The following RGPD2 variants were observed in gnomAD, a reference collection of about 807,000 sequenced individuals.
RGPD2 encodes RANBP2-like and GRIP domain-containing protein 2.
RGPD2 carries 2 observed loss-of-function variants against 36.0 expected under a neutral mutation model. The ratio of observed to expected loss-of-function variants is 0.06; its 90% confidence interval spans 0.02 to 0.17. The LOEUF (loss-of-function observed/expected upper bound fraction) is 0.17, where lower values mean the gene tolerates loss of function less well. Among genes scored for constraint, RGPD2 ranks in the 10% least tolerant of loss-of-function variants. The pLI is 1.00. For synonymous variants in RGPD2, 19 were observed against 163.8 expected, an observed-to-expected ratio of 0.12 and a Z score of 6.75; for missense variants, 40 against 464.3, an observed-to-expected ratio of 0.09 and a Z score of 8.40.
the RGPD2 span, among the ~76,000 whole-genome samples, chr2:87,853,746 T>C: frequency 6.6e-6 from 1 of 151,788 alleles, no homozygotes; most frequent in African/African-American, 2.4e-5. Flanking sequence ...CCTTGAATTG[T>C]ATGTATTTCT....
chr2:87,877,422 G>T, the RGPD2 span, among the ~76,000 whole-genome samples: 6 of 152,388 alleles, frequency 3.9e-5, no homozygotes, highest in East Asian at 1.2e-3. Flanking sequence ...CACAGCATTT[G>T]CTTGTCTGAA....
At chr2:87,866,135 C>T in the RGPD2 span, among the ~76,000 whole-genome samples, 26,514 of 129,112 alleles carry the variant, frequency 0.21, no homozygotes, top group African/African-American at 0.34. Flanking sequence ...CAAGGATACT[C>T]GTATTACATA....
upstream of RGPD2, chr2:87,825,878 A>G: frequency 9.8e-7 from 1 of 1,020,938 alleles, no homozygotes; most frequent in Non-Finnish European, 1.4e-6. Flanking sequence ...AGCACTGTGT[A>G]TCCTTGGCGA....
At chr2:87,962,190 T>G in the RGPD2 span, among the ~76,000 whole-genome samples, 1 of 150,204 alleles carries the variant, frequency 6.7e-6, no homozygotes. Flanking sequence ...AATTTGGATA[T>G]TAAAATCTTA....
At chr2:87,763,404 A>G (rs1684955696) in intron 22 of RGPD2, among the ~76,000 whole-genome samples, 1 of 142,372 alleles carries the variant, frequency 7.0e-6, no homozygotes. Context: ...TGATCCTCCC[A>G]CCTCAGCCTC....
intron 1 of RGPD2, chr2:87,824,997 C>T (rs1372058075): frequency 5.1e-6 from 2 of 391,188 alleles, no homozygotes; most frequent in African/African-American, 4.1e-5. Context: ...ATACTTCTTA[C>T]ACTATTCCTC....
rs1325349308 is a variant in RGPD2 at position 87,807,380 on chromosome 2, G to GTCTTT, written c.780-490_780-489insAAAGA. 3.6e-3 allele frequency among the ~76,000 whole-genome samples: 291 copies of GTCTTT among 81,666 alleles called. 8 individuals carry two copies. The highest frequency in any genetic ancestry group is 0.016 in the African/African-American group (253 of 15,418). 53.6% of individuals were successfully genotyped at this position (81,666 alleles called of 152,430 possible). A position where few individuals can be genotyped will look rare whatever the true frequency, so the allele number is the denominator to read the frequency against. Reference sequence around the variant, plus strand: ...ATATAGATCATTACAGCGTTAAATTGTTTTTTTTTTTTTTTTTTTTTTTTG... The same window carrying GTCTTT: ...ATATAGATCATTACAGCGTTAAATTGTCTTTTTTTTTTTTTTTTTTTTTTTTTTTG... On this transcript the variant is annotated intron_variant, in intron 6 of 22. Coordinates refer to ENST00000398146, the MANE Select transcript of RGPD2 (RefSeq NM_001078170.3).
chr2:87,915,737 C>T, the RGPD2 span, among the ~76,000 whole-genome samples: 5 of 148,510 alleles, frequency 3.4e-5, no homozygotes, highest in Admixed American at 6.7e-5. Flanking sequence ...CTTGTTCTAT[C>T]GAGATCCCCA....
the RGPD2 span, among the ~76,000 whole-genome samples, chr2:87,980,351 CA>C: frequency 0.078 from 264 of 3,390 alleles, 3 homozygotes; most frequent in South Asian, 0.15. Context: ...TACTCCGTCT[CA>C]AAAAAAAAAA....
At chr2:87,954,994 CTTTTTTTTTTTTT>C in the RGPD2 span, among the ~76,000 whole-genome samples, 4 of 19,186 alleles carry the variant, frequency 2.1e-4, no homozygotes, top group Non-Finnish European at 3.0e-4. Flanking sequence ...CTGCTTGAAA[CTTTTTTTTTTTTT>C]TTTTTTTTTT....
the RGPD2 span, among the ~76,000 whole-genome samples, chr2:87,893,297 C>T: frequency 6.6e-6 from 1 of 150,896 alleles, no homozygotes; most frequent in Non-Finnish European, 1.5e-5. Context: ...CTGTAAAAGA[C>T]CTTTTAATAT....
At chr2:87,988,542 T>TATATATATATAAATATATATATATA in the RGPD2 span, among the ~76,000 whole-genome samples, 1 of 37,576 alleles carries the variant, frequency 2.7e-5, no homozygotes, top group Non-Finnish European at 5.4e-5. Flanking sequence ...TATATATATA[T>TATATATATATAAATATATATATATA]TTTTTTTTTT....
the RGPD2 span, among the ~76,000 whole-genome samples, chr2:87,978,232 C>T: frequency 1.3e-5 from 2 of 152,216 alleles, no homozygotes; most frequent in African/African-American, 2.4e-5. Context: ...GTCAAGAACT[C>T]ACGTCTAGAA....
At chr2:87,909,246 C>T in the RGPD2 span, among the ~76,000 whole-genome samples, 20 of 151,550 alleles carry the variant, frequency 1.3e-4, 1 homozygote, top group South Asian at 3.8e-3. Flanking sequence ...TCAGTTTATG[C>T]GTCAGCAATT....
the RGPD2 span, among the ~76,000 whole-genome samples, chr2:87,957,430 A>G: frequency 3.9e-5 from 6 of 152,034 alleles, no homozygotes; most frequent in Admixed American, 3.9e-4. Flanking sequence ...TGTATTGCAC[A>G]GTTTTGGTGA....
chr2:87,845,663 T>C, the RGPD2 span, among the ~76,000 whole-genome samples: 3 of 151,406 alleles, frequency 2.0e-5, no homozygotes, highest in African/African-American at 7.3e-5. Flanking sequence ...TAAATCTTAG[T>C]TATTTTTATA....
intron 7 of RGPD2, among the ~76,000 whole-genome samples, chr2:87,805,644 G>A (rs201513000): frequency 0.072 from 10,834 of 150,830 alleles, 250 homozygotes; most frequent in Admixed American, 0.11. Context: ...TGGATGACTA[G>A]GTCAGGAGAT....
intron 22 of RGPD2, among the ~76,000 whole-genome samples, chr2:87,763,624 G>A (rs1161725902): frequency 6.9e-5 from 1 of 14,500 alleles, no homozygotes; most frequent in Non-Finnish European, 1.5e-4. Flanking sequence ...TTTGAAATCT[G>A]GTGTGTATTT....
At chr2:87,896,956 A>G in the RGPD2 span, among the ~76,000 whole-genome samples, 15,665 of 147,798 alleles carry the variant, frequency 0.11, no homozygotes, top group African/African-American at 0.26. Flanking sequence ...AATTTACAAG[A>G]GTTATATTTA....
Sources: gnomAD v4.1 joint callset for allele counts (sites outside exome capture counted in the v4.1 genomes callset) on GRCh38, gnomAD v4.1.1 for gene constraint, MANE v1.5 for transcripts, NCBI Gene and HGNC (gene_info 2026-07-23, HGNC 2026-07-21) for gene names.